The following SUPT3H variants were observed in gnomAD, a reference collection of about 807,000 sequenced individuals.
The protein encoded by SUPT3H is transcription initiation protein SPT3 homolog.
Under a neutral mutation model 44.3 loss-of-function variants are expected in SUPT3H, and 44 were observed. That is an observed-to-expected ratio of 0.99 (90% CI 0.78 to 1.28). SUPT3H has a LOEUF of 1.28. SUPT3H is among the 50% of genes most tolerant of loss of function. The pLI is 0.00. For synonymous variants in SUPT3H, 124 were observed against 125.6 expected (o/e 0.99, Z 0.09); for missense variants, 380 against 387.1 (o/e 0.98, Z 0.15).
intron 10 of SUPT3H, among the ~76,000 whole-genome samples, chr6:44,870,063 C>T (rs1424701932): frequency 6.6e-6 from 1 of 152,160 alleles, no homozygotes; most frequent in East Asian, 1.9e-4. Context: ...TTTTTTTCCC[C>T]CAAAGAATTT....
At chr6:45,356,408 C>CTTTTTTTT (rs1468113291) in intron 2 of SUPT3H, among the ~76,000 whole-genome samples, 2 of 148,878 alleles carry the variant, frequency 1.3e-5, no homozygotes, top group African/African-American at 4.9e-5. Context: ...CTTTTTTTTT[C>CTTTTTTTT]TTTTTTTGAG....
At chr6:45,281,713 T>A (rs980918199) in intron 2 of SUPT3H, among the ~76,000 whole-genome samples, 1 of 152,138 alleles carries the variant, frequency 6.6e-6, no homozygotes, top group Non-Finnish European at 1.5e-5. Flanking sequence ...CACACTTAAA[T>A]GTCCCTGTCT....
At chr6:45,109,532 T>C (rs1038761930) in intron 2 of SUPT3H, among the ~76,000 whole-genome samples, 1 of 3,096 alleles carries the variant, frequency 3.2e-4, no homozygotes, top group African/African-American at 3.1e-3. Context: ...GAGCATACAC[T>C]GTAAAGTAAG....
chr6:44,987,154 G>A (rs1779908441), intron 6 of SUPT3H, among the ~76,000 whole-genome samples: 1 of 151,992 alleles, frequency 6.6e-6, no homozygotes, highest in African/African-American at 2.4e-5. Flanking sequence ...GGTTCTTCCT[G>A]TTCTTACAAA....
chr6:45,307,316 C>A (rs1188238895), intron 2 of SUPT3H, among the ~76,000 whole-genome samples: 1 of 152,098 alleles, frequency 6.6e-6, no homozygotes, highest in Admixed American at 6.6e-5. Context: ...AGACAGACTG[C>A]CTCCTCAAGT....
At chr6:44,985,729 C>T (rs1779703909) in intron 6 of SUPT3H, among the ~76,000 whole-genome samples, 1 of 152,106 alleles carries the variant, frequency 6.6e-6, no homozygotes, top group Non-Finnish European at 1.5e-5. Context: ...TTCTTAGCAT[C>T]TCTCTCTAGA....
chr6:45,250,689 T>C (rs115583108), intron 2 of SUPT3H, among the ~76,000 whole-genome samples: 2,668 of 152,098 alleles, frequency 0.018, 49 homozygotes, highest in South Asian at 0.085. Context: ...ATCTAGCAAA[T>C]TGATGGAAAA....
intron 2 of SUPT3H, among the ~76,000 whole-genome samples, chr6:45,276,052 C>A (rs985328438): frequency 1.3e-5 from 2 of 151,806 alleles, no homozygotes; most frequent in Non-Finnish European, 2.9e-5. Flanking sequence ...TATTATTTTC[C>A]CCCAGAAACA....
intron 5 of SUPT3H, among the ~76,000 whole-genome samples, chr6:45,005,736 A>T (rs946089218): frequency 1.3e-5 from 2 of 151,902 alleles, no homozygotes; most frequent in Admixed American, 6.6e-5. Flanking sequence ...CTATATTGTC[A>T]AATAAGTTCA....
At chr6:45,219,358 G>C (rs145688559) in intron 2 of SUPT3H, among the ~76,000 whole-genome samples, 185 of 150,366 alleles carry the variant, frequency 1.2e-3, no homozygotes, top group Non-Finnish European at 2.1e-3. Flanking sequence ...CAAAAATAGA[G>C]AAAAGACACA....
chr6:45,288,636 GC>G (rs1284088118), intron 2 of SUPT3H, among the ~76,000 whole-genome samples: 2 of 109,276 alleles, frequency 1.8e-5, no homozygotes, highest in African/African-American at 6.8e-5. Context: ...TATATATATA[GC>G]AAAGCATTTT....
chr6:45,308,902 T>G (rs1783531564), intron 2 of SUPT3H, among the ~76,000 whole-genome samples: 1 of 150,532 alleles, frequency 6.6e-6, no homozygotes, highest in Non-Finnish European at 1.5e-5. Flanking sequence ...TCATTTTGAA[T>G]AAGAAGAAAA....
chr6:44,906,772 C>CA (rs1348901718), intron 10 of SUPT3H, among the ~76,000 whole-genome samples: 7 of 151,914 alleles, frequency 4.6e-5, no homozygotes, highest in African/African-American at 1.4e-4. Flanking sequence ...AAAAAACAAA[C>CA]AAAAAAAATT....
chr6:45,030,502 T>C (rs1315990420), intron 3 of SUPT3H, among the ~76,000 whole-genome samples: 1 of 152,218 alleles, frequency 6.6e-6, no homozygotes, highest in African/African-American at 2.4e-5. Context: ...TCTTAGTTTT[T>C]TTCAGAACTC....
chr6:44,846,677 G>GC (rs1205224083), intron 10 of SUPT3H, among the ~76,000 whole-genome samples: 2 of 152,004 alleles, frequency 1.3e-5, no homozygotes, highest in South Asian at 2.1e-4. Context: ...TGTCGCTCAG[G>GC]CTGGAGTGCA....
chr6:44,955,931 T>G (rs1218697494), intron 7 of SUPT3H, among the ~76,000 whole-genome samples: 5 of 142,898 alleles, frequency 3.5e-5, no homozygotes, highest in Non-Finnish European at 7.7e-5. Flanking sequence ...CCATCCTGGC[T>G]AATATGGTGA....
intron 11 of SUPT3H, among the ~76,000 whole-genome samples, chr6:44,818,045 TTCA>T (rs1337651652): frequency 7.9e-5 from 12 of 152,128 alleles, no homozygotes; most frequent in African/African-American, 2.9e-4. Flanking sequence ...AAGACCTGAT[TTCA>T]TGACTTAGTA....
chr6:44,838,686 G>A (rs1324680319), intron 10 of SUPT3H, among the ~76,000 whole-genome samples: 1 of 152,138 alleles, frequency 6.6e-6, no homozygotes, highest in Non-Finnish European at 1.5e-5. Context: ...ATACTCATAA[G>A]CATTCAACCA....
At chr6:44,950,162 C>T (rs1774057979) in intron 9 of SUPT3H, among the ~76,000 whole-genome samples, 1 of 152,174 alleles carries the variant, frequency 6.6e-6, no homozygotes, top group South Asian at 2.1e-4. Flanking sequence ...GGTCAAACAC[C>T]TCAAGTTCAT....
Sources: allele counts gnomAD v4.1 joint callset (sites outside exome capture counted in the v4.1 genomes callset), GRCh38; gene constraint gnomAD v4.1.1; transcripts MANE v1.5; gene names NCBI Gene and HGNC (gene_info 2026-07-23, HGNC 2026-07-21).